The following MATN4 variants were observed in gnomAD, a reference collection of about 807,000 sequenced individuals.
MATN4 encodes matrilin-4.
Under a neutral mutation model 54.6 loss-of-function variants are expected in MATN4, and 40 were observed. The observed-to-expected ratio is 0.73, with a 90% confidence interval of 0.57 to 0.95. The LOEUF (loss-of-function observed/expected upper bound fraction) is 0.95, where lower values mean the gene tolerates loss of function less well. MATN4 is among the 40% of genes least tolerant of loss of function. The pLI is 0.00. For missense variants in MATN4, 810 were observed against 819.1 expected (o/e 0.99, Z 0.13); for synonymous variants, 351 against 345.3 (o/e 1.02, Z -0.18).
Position 45,301,183 on chromosome 20 carries a change from C to G in MATN4, c.808G>C (p.Glu270Gln). 1 of 1,614,192 alleles carries G rather than the reference C, an allele frequency of 6.2e-7. No individual in the cohort carries two copies. The highest frequency in any genetic ancestry group is 1.1e-5 in the South Asian group (1 of 91,080). ...GGCCCACCAGGGGTGCTAACACACT[C>G]ATGCTGACAGCTATGGTTCCCAAAG... The part of the protein sequence containing the change: ...CSFGNHSCQH[E>Q]CVSTPGGPRC... The change falls in exon 5 of 10, where the codon GAG becomes CAG. Residue 270 changes from glutamate (E) to glutamine (Q), a missense_variant. By Grantham distance (29) the Glu-to-Gln change is conservative. Coordinates refer to ENST00000372756, the MANE Select transcript of MATN4 (RefSeq NM_001393530.1).
rs1052398347 is a variant in MATN4 at position 45,308,238 on chromosome 20, G to A, written c.-98C>T. The A allele has an allele frequency of 2.5e-6, 4 of 1,613,032 alleles. No homozygotes were observed. In the African/African-American group the frequency reaches 5.3e-5, roughly 22 times the overall value. ...CGAAGCCGACAGGCGGAGCCTCCCG[G>A]GCACTTGGACCAGGTAACGGCGGCG... is the stretch of plus-strand genomic sequence containing the variant. On this transcript the variant is annotated 5_prime_UTR_variant, in exon 1 of 10. Coordinates refer to ENST00000372756, the MANE Select transcript of MATN4 (RefSeq NM_001393530.1).
intron 8 of MATN4, among the ~76,000 whole-genome samples, chr20:45,295,298 T>C (rs1465254666): frequency 6.6e-6 from 1 of 152,230 alleles, no homozygotes; most frequent in Non-Finnish European, 1.5e-5. Context: ...ACCAGCAGCA[T>C]CGGCATCGTG....
intron 1 of MATN4, 22 bp from the exon 2 acceptor site, chr20:45,305,638 G>T: frequency 7.9e-7 from 1 of 1,270,996 alleles, no homozygotes; most frequent in Non-Finnish European, 1.1e-6. Flanking sequence ...AAGGAAAATA[G>T]AAAAGCAACA....
At chr20:45,305,802 A>ATTTTTTTTTTTTTTTTTTTTTTTTTTTT (rs1050722306) in intron 1 of MATN4, among the ~76,000 whole-genome samples, 186 bp from the exon 2 acceptor site, 4 of 12,164 alleles carry the variant, frequency 3.3e-4, no homozygotes, top group Non-Finnish European at 6.7e-4. Flanking sequence ...AACACAAGAG[A>ATTTTTTTTTTTTTTTTTTTTTTTTTTTT]TTCTTTTTTT....
Position 45,304,578 on chromosome 20 carries a change from T to A in MATN4, c.293A>T (p.Glu98Val), listed in dbSNP as rs764182040. The change falls in exon 3 of 10, where the codon GAG becomes GTG. Residue 98 changes from glutamate (E) to valine (V), a missense_variant. Glu to Val is a moderately radical substitution (Grantham distance 121). Coordinates refer to ENST00000372756, the MANE Select transcript of MATN4 (RefSeq NM_001393530.1). ...LRAFSRREDM[E>V]RAIRDLVPLA... ...AGGCACCAGGTCGCGGATGGCGCGC[T>A]CCATGTCCTCGCGGCGAGAGAACGC... 7 of 1,598,912 alleles carry A rather than the reference T, an allele frequency of 4.4e-6. No individual in the cohort carries two copies. The South Asian group carries it at 7.7e-5, about 18-fold the overall frequency.
intron 8 of MATN4, among the ~76,000 whole-genome samples, chr20:45,295,476 C>T (rs1434841048): frequency 6.6e-6 from 1 of 152,204 alleles, no homozygotes; most frequent in Admixed American, 6.5e-5. Context: ...TAACCTCTGC[C>T]TCCTGGGTTC....
At chr20:45,308,642 G>A (rs982495987), upstream of MATN4, 29 of 224,838 alleles carry the variant, frequency 1.3e-4, 1 homozygote, top group Admixed American at 7.1e-4. Context: ...TCGAGGGTGC[G>A]GTCTTGCGCT....
At position 45,293,623 on chromosome 20, in the gene MATN4, A is replaced by G. The variant is rs1437307110; in HGVS notation, c.*144T>C. 3 of 726,206 alleles carry G rather than the reference A, an allele frequency of 4.1e-6. No individual in the cohort carries two copies. The highest frequency in any genetic ancestry group is 2.0e-5 in the South Asian group (1 of 50,318). The allele number at this position is 726,206 out of a possible 1,614,324, so 45.0% of individuals were successfully genotyped here. A position where few individuals can be genotyped will look rare whatever the true frequency, so the allele number is the denominator to read the frequency against. On this transcript the variant is annotated 3_prime_UTR_variant, in exon 10 of 10. Transcript: ENST00000372756. Reference sequence around the variant, plus strand: ...GTCCGGGCGAGGCCAACTCAGCTCAATGCCGGAAGCCCGCCAGCGCCTCCG... The same window carrying G: ...GTCCGGGCGAGGCCAACTCAGCTCAGTGCCGGAAGCCCGCCAGCGCCTCCG...
rs550128721 is a variant in MATN4 at position 45,305,611 on chromosome 20, C to G, written c.-29G>C. ...GCTTGGGGACAGAGAATGGAGGTGTCAGAGCCTGGAGGGAGGAAGGAAAAT... is the reference window on the plus strand; with the variant it reads ...GCTTGGGGACAGAGAATGGAGGTGTGAGAGCCTGGAGGGAGGAAGGAAAAT... On this transcript the variant is annotated 5_prime_UTR_variant, in exon 2 of 10. Coordinates refer to ENST00000372756, the MANE Select transcript of MATN4 (RefSeq NM_001393530.1). The G allele has an allele frequency of 1.3e-6, 2 of 1,513,578 alleles. No individual in the cohort carries two copies. Among genetic ancestry groups the G allele is most frequent in the African/African-American group, 2.8e-5 (2 of 72,346 alleles). 93.8% of individuals were successfully genotyped at this position (1,513,578 alleles called of 1,614,324 possible).
chr20:45,303,822 C>T (rs1388457405), intron 3 of MATN4, among the ~76,000 whole-genome samples: 1 of 152,122 alleles, frequency 6.6e-6, no homozygotes, highest in Admixed American at 6.5e-5. Flanking sequence ...GCGGAATAAA[C>T]TCAAAACAGA....
intron 3 of MATN4, among the ~76,000 whole-genome samples, 191 bp from the exon 4 acceptor site, chr20:45,301,634 A>G (rs892460596): frequency 2.6e-5 from 4 of 152,080 alleles, no homozygotes; most frequent in Admixed American, 6.5e-5. Flanking sequence ...CACTTTACCT[A>G]TTTGAGCCTC....
intron 3 of MATN4, among the ~76,000 whole-genome samples, chr20:45,302,456 G>A (rs2743283): frequency 0.48 from 73,661 of 152,056 alleles, 18,362 homozygotes; most frequent in African/African-American, 0.55. Flanking sequence ...TTGAATAAGC[G>A]AGGTATTCTA....
intron 3 of MATN4, 21 bp from the exon 4 acceptor site, chr20:45,301,464 G>T: frequency 1.2e-6 from 2 of 1,610,340 alleles, no homozygotes; most frequent in Non-Finnish European, 1.7e-6. Context: ...AATGGGGTCA[G>T]TCTATGCCCA....
At chr20:45,295,097 T>C (rs892609291) in intron 8 of MATN4, among the ~76,000 whole-genome samples, 2 of 152,208 alleles carry the variant, frequency 1.3e-5, no homozygotes, top group African/African-American at 4.8e-5. Flanking sequence ...CATTGTATAT[T>C]ACAATGTAAT....
chr20:45,293,936 C>T lies in MATN4; in HGVS notation c.1659G>A (p.Leu553=). 1 of 1,602,010 alleles carries T rather than the reference C, an allele frequency of 6.2e-7. No individual in the cohort carries two copies. Among genetic ancestry groups the T allele is most frequent in the Non-Finnish European group, 8.5e-7 (1 of 1,178,668 alleles). The change falls in exon 9 of 10, where the codon CTG becomes CTA. Residue 553 remains leucine (L), a synonymous_variant. Transcript: ENST00000372756. Reference sequence around the variant, plus strand: ...TCAGCGTCAGGCTCTCGAGCGCCCCCAGCGTGCGGCCCTGGAACTCCACGA... The same window carrying T: ...TCAGCGTCAGGCTCTCGAGCGCCCCTAGCGTGCGGCCCTGGAACTCCACGA... ...ESLVEFQGRT[L]GALESLTLNL...
intron 3 of MATN4, chr20:45,303,297 G>A (rs1986360884): frequency 1.5e-6 from 1 of 653,920 alleles, no homozygotes; most frequent in Non-Finnish European, 2.9e-6. Context: ...ACTGCCAAAG[G>A]CCCTTCCAGA....
chr20:45,308,321 C>T (rs1272829648), upstream of MATN4: 21 of 1,042,920 alleles, frequency 2.0e-5, no homozygotes, highest in African/African-American at 4.7e-5. Context: ...AGGCAACGGC[C>T]GCATTTAACC....
At chr20:45,303,281 G>A (rs75214841) in intron 3 of MATN4, 18,684 of 633,976 alleles carry the variant, frequency 0.029, 408 homozygotes, top group Non-Finnish European at 0.038. Flanking sequence ...ATGGAGGTGT[G>A]CTTTTACTGC....
chr20:45,294,040 G>A, intron 8 of MATN4, 25 bp from the exon 9 acceptor site: 5 of 1,571,510 alleles, frequency 3.2e-6, no homozygotes, highest in Admixed American at 1.7e-5. Context: ...CAGAGGGTCA[G>A]GGGGATGAGA....
Sources: gnomAD v4.1 joint callset for allele counts (sites outside exome capture counted in the v4.1 genomes callset) on GRCh38, gnomAD v4.1.1 for gene constraint, MANE v1.5 for transcripts, NCBI Gene and HGNC (gene_info 2026-07-23, HGNC 2026-07-21) for gene names.